The following RBPJ variants were observed in gnomAD, a reference collection of about 807,000 sequenced individuals.
RBPJ encodes recombination signal binding protein for immunoglobulin kappa J region, also known as recombining binding protein suppressor of hairless.
Under a neutral mutation model 67.8 loss-of-function variants are expected in RBPJ, and 9 were observed. The observed-to-expected ratio is 0.13, with a 90% confidence interval of 0.08 to 0.23. The LOEUF (loss-of-function observed/expected upper bound fraction) is 0.23. Ranked by LOEUF, RBPJ falls within the 10% of genes least tolerant of loss-of-function variation. The pLI, the probability that RBPJ is intolerant of heterozygous loss-of-function variation, is 1.00. For synonymous variants in RBPJ, 198 were observed against 203.3 expected (o/e 0.97, Z 0.22); for missense variants, 305 against 595.6 (o/e 0.51, Z 5.08).
At chr4:26,211,112 G>C (rs1718407159) in intron 1 of RBPJ, among the ~76,000 whole-genome samples, 1 of 151,992 alleles carries the variant, frequency 6.6e-6, no homozygotes, top group Non-Finnish European at 1.5e-5. Flanking sequence ...TTGTTACTTT[G>C]ATCCATGGAA....
chr4:26,325,666 G>A (rs1040100997), intron 1 of RBPJ, among the ~76,000 whole-genome samples: 2 of 152,208 alleles, frequency 1.3e-5, no homozygotes, highest in East Asian at 1.9e-4. Context: ...CTACTGTGGC[G>A]CATAGGATCC....
rs74499578 is a variant in RBPJ at position 26,186,497 on chromosome 4, C to T, written c.-167+22883C>T. On this transcript the variant is annotated intron_variant, in intron 1 of 4. Coordinates refer to the RBPJ transcript ENST00000512351. ...CAAACTAGTCTGAAGGGCAATGTTG[C>T]CTGCCTGTGCCCTGTGGACCCAACC... 9.8e-3 allele frequency among the ~76,000 whole-genome samples: 1,489 copies of T among 152,240 alleles called. 21 individuals are homozygous for T. Among genetic ancestry groups the T allele is most frequent in the African/African-American group, 0.034 (1,403 of 41,526 alleles).
At chr4:26,292,770 GGT>G (rs1721714551) in intron 1 of RBPJ, among the ~76,000 whole-genome samples, 1 of 149,790 alleles carries the variant, frequency 6.7e-6, no homozygotes, top group Admixed American at 6.6e-5. Context: ...AAAAAACTGT[GGT>G]GTGTGTGTAT....
chr4:26,176,734 C>T (rs904411228), intron 1 of RBPJ, among the ~76,000 whole-genome samples: 4 of 152,224 alleles, frequency 2.6e-5, no homozygotes, highest in African/African-American at 4.8e-5. Flanking sequence ...ACATTACATT[C>T]GTTTAACACA....
chr4:26,266,982 T>C (rs953545308), intron 1 of RBPJ, among the ~76,000 whole-genome samples: 27 of 152,232 alleles, frequency 1.8e-4, no homozygotes, highest in African/African-American at 6.0e-4. Context: ...TTTTCTTCTC[T>C]TCTATAACAT....
intron 1 of RBPJ, among the ~76,000 whole-genome samples, chr4:26,295,222 T>C (rs1721825285): frequency 6.7e-6 from 1 of 149,154 alleles, no homozygotes; most frequent in South Asian, 2.1e-4. Flanking sequence ...ATATGGCCGT[T>C]GTCCAGGAAG....
chr4:26,131,444 A>C, the RBPJ span, among the ~76,000 whole-genome samples: 1 of 152,328 alleles, frequency 6.6e-6, no homozygotes, highest in East Asian at 1.9e-4. Context: ...ACAGACACAC[A>C]CACTCACATA....
At chr4:26,425,579 A>C (rs189506866) in intron 7 of RBPJ, among the ~76,000 whole-genome samples, 1 of 152,314 alleles carries the variant, frequency 6.6e-6, no homozygotes, top group Non-Finnish European at 1.5e-5. Context: ...ACTGGACTTT[A>C]GCCTGGGCAA....
At chr4:26,162,125 T>G (rs1026791721), upstream of RBPJ, among the ~76,000 whole-genome samples, 2 of 152,168 alleles carry the variant, frequency 1.3e-5, no homozygotes, top group Non-Finnish European at 2.9e-5. Flanking sequence ...GTGTCTGTGA[T>G]GCATGCCCTG....
intron 1 of RBPJ, among the ~76,000 whole-genome samples, chr4:26,221,013 G>A (rs1191666367): frequency 6.6e-6 from 1 of 152,204 alleles, no homozygotes; most frequent in Non-Finnish European, 1.5e-5. Flanking sequence ...GTGTGTATAC[G>A]TACTCATTAA....
rs370907869 is a variant in RBPJ at position 26,429,706 on chromosome 4, A to G, written c.889-192A>G. Among the ~76,000 whole-genome samples the G allele has an allele frequency of 9.8e-5, 15 of 152,296 alleles. No homozygotes were observed. The East Asian group carries it at 1.3e-3, about 14-fold the overall frequency. On this transcript the variant is annotated intron_variant, in intron 8 of 10. Transcript: ENST00000355476. ...TGTATTATAAGAAAAACTGCTGTCT[A>G]TGGGGTTTCTGTATTAGCATTCTGT...
At chr4:26,180,667 C>T (rs935194828) in intron 1 of RBPJ, among the ~76,000 whole-genome samples, 25 of 152,316 alleles carry the variant, frequency 1.6e-4, no homozygotes, top group African/African-American at 5.3e-4. Context: ...CTCCCAATAC[C>T]TTGGAGATTA....
chr4:26,390,275 G>C (rs1008528982), intron 2 of RBPJ, among the ~76,000 whole-genome samples: 2 of 152,164 alleles, frequency 1.3e-5, no homozygotes, highest in African/African-American at 4.8e-5. Flanking sequence ...GGGTGCCTGT[G>C]AAAAAACTAC....
intron 1 of RBPJ, among the ~76,000 whole-genome samples, chr4:26,328,812 C>G (rs1413033311): frequency 6.6e-6 from 1 of 152,136 alleles, no homozygotes; most frequent in East Asian, 1.9e-4. Context: ...GCAACCCCAG[C>G]TAATTTAAAA....
chr4:26,319,855 AAG>A, upstream of RBPJ: 1 of 1,596,394 alleles, frequency 6.3e-7, no homozygotes, highest in Non-Finnish European at 8.6e-7. Context: ...TAGGAAAGGA[AAG>A]AGCAAAGGAG....
intron 1 of RBPJ, chr4:26,384,679 TTTAG>T (rs1227099274): frequency 6.6e-6 from 1 of 152,176 alleles, no homozygotes; most frequent in Admixed American, 6.5e-5. Context: ...ATTTAGTTCC[TTTAG>T]TTATTTTGGC....
chr4:26,128,358 A>G, the RBPJ span, among the ~76,000 whole-genome samples: 1 of 152,244 alleles, frequency 6.6e-6, no homozygotes, highest in Non-Finnish European at 1.5e-5. Context: ...CAACAAAGAA[A>G]AAGACATCAC....
chr4:26,127,756 A>C, the RBPJ span, among the ~76,000 whole-genome samples: 78 of 152,336 alleles, frequency 5.1e-4, no homozygotes, highest in African/African-American at 1.9e-3. Context: ...AAGTAGAGTA[A>C]GACACTCCAA....
At chr4:26,174,672 G>T (rs886988779) in intron 1 of RBPJ, among the ~76,000 whole-genome samples, 8 of 152,228 alleles carry the variant, frequency 5.3e-5, no homozygotes, top group Admixed American at 3.9e-4. Flanking sequence ...GTTTCACTAT[G>T]TTGGCAAGGC....
Sources: allele counts gnomAD v4.1 joint callset (sites outside exome capture counted in the v4.1 genomes callset), GRCh38; gene constraint gnomAD v4.1.1; transcripts MANE v1.5; gene names NCBI Gene and HGNC (gene_info 2026-07-23, HGNC 2026-07-21).